PTPRT: variants seen among roughly 807,000 people sequenced by gnomAD.
PTPRT encodes protein tyrosine phosphatase receptor type T, also known as receptor-type tyrosine-protein phosphatase T.
Under a neutral mutation model 176.8 loss-of-function variants are expected in PTPRT, and 56 were observed. The observed-to-expected ratio is 0.32, with a 90% CI of 0.26 to 0.40. The LOEUF (loss-of-function observed/expected upper bound fraction) is 0.40. Ranked by LOEUF, PTPRT falls within the 10% of genes least tolerant of loss-of-function variation. The pLI is 1.00. For synonymous variants in PTPRT, 783 were observed against 739.0 expected, an observed-to-expected ratio of 1.06 and a Z score of -0.96; for missense variants, 1,540 against 1,908.2, an observed-to-expected ratio of 0.81 and a Z score of 3.60.
At chr20:42,899,103 A>G (rs1374130742) in intron 1 of PTPRT, among the ~76,000 whole-genome samples, 1 of 151,982 alleles carries the variant, frequency 6.6e-6, no homozygotes, top group Non-Finnish European at 1.5e-5. Context: ...CAGGCATAAA[A>G]AGGGCAAGGC....
rs569968956 is a variant in PTPRT at position 42,371,223 on chromosome 20, T to C, written c.1561-18938A>G. On this transcript the variant is annotated intron_variant, in intron 9 of 30. Transcript: ENST00000373187. ...AACCTGACCATGGGGCCAGGATCTG[T>C]ACCACTGGTCGGTGAAGGAATAAGG... Among the ~76,000 whole-genome samples, 9 of 152,332 alleles carry C rather than the reference T, an allele frequency of 5.9e-5. No homozygotes were observed. In the East Asian group the frequency reaches 1.4e-3, roughly 23 times the overall value.
intron 1 of PTPRT, among the ~76,000 whole-genome samples, chr20:43,140,643 T>C (rs1370128847): frequency 6.6e-6 from 1 of 152,204 alleles, no homozygotes; most frequent in African/African-American, 2.4e-5. Flanking sequence ...TCACTTCATC[T>C]GCTTTTCTTT....
At chr20:42,480,947 T>C (rs190531025) in intron 7 of PTPRT, among the ~76,000 whole-genome samples, 58 of 151,812 alleles carry the variant, frequency 3.8e-4, no homozygotes, top group Non-Finnish European at 6.2e-4. Context: ...GTCCCAGCAA[T>C]AGATGAATCA....
chr20:42,532,251 A>G (rs370834410), intron 7 of PTPRT, among the ~76,000 whole-genome samples: 12 of 152,156 alleles, frequency 7.9e-5, no homozygotes, highest in African/African-American at 2.9e-4. Context: ...CCATCTCTGA[A>G]GTCCCCACCC....
chr20:42,520,141 T>C (rs1189702089), intron 7 of PTPRT, among the ~76,000 whole-genome samples: 1 of 152,290 alleles, frequency 6.6e-6, no homozygotes, highest in East Asian at 1.9e-4. Context: ...ACTTTTTTAC[T>C]TCCTGTCTTT....
rs140857509 is a variant in PTPRT at position 42,183,630 on chromosome 20, G to A, written c.2491+15610C>T. Reference sequence around the variant, plus strand: ...TAGACTTTCCCACCTCTATGCCCCTGTATATGTATTCTTTTATTTTAGAAT... The same window carrying A: ...TAGACTTTCCCACCTCTATGCCCCTATATATGTATTCTTTTATTTTAGAAT... On this transcript the variant is annotated intron_variant, in intron 16 of 30. Transcript: ENST00000373187. Among the ~76,000 whole-genome samples, 282 of 152,278 alleles carry A rather than the reference G, an allele frequency of 1.9e-3. 2 individuals are homozygous for A. The highest frequency in any genetic ancestry group is 3.1e-3 in the South Asian group (15 of 4,828).
intron 7 of PTPRT, among the ~76,000 whole-genome samples, chr20:42,495,400 G>A (rs1256171739): frequency 1.3e-5 from 2 of 152,110 alleles, no homozygotes; most frequent in African/African-American, 4.8e-5. Flanking sequence ...GCTGAAAGGG[G>A]CAGAAAGGGC....
chr20:42,250,654 T>C (rs567286526), intron 13 of PTPRT, among the ~76,000 whole-genome samples: 3 of 152,338 alleles, frequency 2.0e-5, no homozygotes, highest in African/African-American at 7.2e-5. Context: ...AGCACAGGCC[T>C]CCCTCCTCAT....
intron 7 of PTPRT, among the ~76,000 whole-genome samples, chr20:42,641,069 A>C (rs1044695368): frequency 6.6e-6 from 1 of 152,120 alleles, no homozygotes; most frequent in African/African-American, 2.4e-5. Flanking sequence ...TGATTTACTA[A>C]GCCATTACCA....
intron 12 of PTPRT, among the ~76,000 whole-genome samples, chr20:42,309,496 C>T (rs964340922): frequency 2.0e-5 from 3 of 152,122 alleles, no homozygotes; most frequent in Non-Finnish European, 2.9e-5. Context: ...GAAAAAAGGT[C>T]CTTTAGGACT....
intron 5 of PTPRT, among the ~76,000 whole-genome samples, chr20:42,759,422 T>A (rs540262598): frequency 4.2e-4 from 64 of 152,224 alleles, no homozygotes; most frequent in African/African-American, 1.4e-3. Context: ...TCCCAGCACT[T>A]TGGGAGGCTG....
rs140044416 is a variant in PTPRT at position 43,036,994 on chromosome 20, G to A, written c.89-151062C>T. ...ATATAATAGCTGGTTCTTTTCAAAA[G>A]ACCATAAAATACATAAATCTTTGGC... On this transcript the variant is annotated intron_variant, in intron 1 of 30. Coordinates refer to ENST00000373187, the MANE Select transcript of PTPRT (RefSeq NM_007050.6). Among the ~76,000 whole-genome samples the A allele has an allele frequency of 7.1e-3, 1,087 of 152,242 alleles. 8 individuals carry two copies. The highest frequency in any genetic ancestry group is 0.013 in the Non-Finnish European group (855 of 68,008).
chr20:42,416,879 C>T (rs987129893), intron 9 of PTPRT, among the ~76,000 whole-genome samples: 58 of 152,200 alleles, frequency 3.8e-4, no homozygotes, highest in African/African-American at 1.3e-3. Flanking sequence ...ACAACCAGGA[C>T]AAAATTCTTC....
chr20:43,057,411 G>A (rs1161205352), intron 1 of PTPRT, among the ~76,000 whole-genome samples: 1 of 144,806 alleles, frequency 6.9e-6, no homozygotes, highest in Non-Finnish European at 1.5e-5. Flanking sequence ...AAGGAAGGAG[G>A]GAAGGAGGGG....
intron 7 of PTPRT, among the ~76,000 whole-genome samples, chr20:42,657,713 A>G (rs948221263): frequency 2.6e-5 from 4 of 152,160 alleles, no homozygotes; most frequent in Non-Finnish European, 4.4e-5. Context: ...ATTCTTGTCC[A>G]TAGATATGCA....
At chr20:43,179,781 T>G (rs1450006356) in intron 1 of PTPRT, among the ~76,000 whole-genome samples, 1 of 152,222 alleles carries the variant, frequency 6.6e-6, no homozygotes, top group East Asian at 1.9e-4. Context: ...CTTCAAAGGT[T>G]ATATTTGTAT....
chr20:42,442,997 AC>A (rs2059331510), intron 9 of PTPRT, among the ~76,000 whole-genome samples: 1 of 152,230 alleles, frequency 6.6e-6, no homozygotes, highest in Non-Finnish European at 1.5e-5. Context: ...TGATTAGGGA[AC>A]CCTGATGCCT....
intron 26 of PTPRT, among the ~76,000 whole-genome samples, chr20:42,099,143 G>A (rs1318336393): frequency 6.6e-6 from 1 of 152,198 alleles, no homozygotes; most frequent in African/African-American, 2.4e-5. Flanking sequence ...TGTAAGTTAT[G>A]AGTCATCCAT....
chr20:42,911,541 A>T (rs1286732732), intron 1 of PTPRT, among the ~76,000 whole-genome samples: 2 of 152,180 alleles, frequency 1.3e-5, no homozygotes, highest in Non-Finnish European at 2.9e-5. Context: ...TGTAGTTAAC[A>T]TCTGGAAAAT....
Sources: gnomAD v4.1 joint callset for allele counts (sites outside exome capture counted in the v4.1 genomes callset) on GRCh38, gnomAD v4.1.1 for gene constraint, MANE v1.5 for transcripts, NCBI Gene and HGNC (gene_info 2026-07-23, HGNC 2026-07-21) for gene names.